Variants in CDH4 observed in about 807,000 individuals in gnomAD.
CDH4 encodes the protein cadherin 4, also known as cadherin-4.
CDH4 carries 33 observed loss-of-function variants against 86.0 expected under a neutral mutation model. The ratio of observed to expected loss-of-function variants is 0.38; its 90% CI spans 0.29 to 0.51. The LOEUF is 0.51. CDH4 is among the 20% of genes least tolerant of loss of function. The pLI, the probability that CDH4 is intolerant of heterozygous loss-of-function variation, is 0.86. For missense variants in CDH4, 1,114 were observed against 1,307.4 expected (o/e 0.85, Z 2.28); for synonymous variants, 555 against 549.4 (o/e 1.01, Z -0.14).
chr20:61,552,524 AC>A (rs1168650970), intron 2 of CDH4, among the ~76,000 whole-genome samples: 7 of 152,150 alleles, frequency 4.6e-5, no homozygotes, highest in Non-Finnish European at 1.5e-5. Flanking sequence ...ACATAGTGAA[AC>A]CCCATCTCTA....
chr20:61,859,308 C>T lies in CDH4; in HGVS notation c.877+6410C>T, dbSNP rs143818391. ...CGTATTCTAGATACAAGTCCTTTGT[C>T]GGATATGTGGTTTGCAAATATTTCT... On this transcript the variant is annotated intron_variant, in intron 6 of 15. Coordinates refer to ENST00000614565, the MANE Select transcript of CDH4 (RefSeq NM_001794.5). Among the ~76,000 whole-genome samples, 40 of 152,276 alleles carry T rather than the reference C, an allele frequency of 2.6e-4. 1 individual carries two copies. In the East Asian group the frequency reaches 6.2e-3, roughly 23 times the overall value.
At chr20:61,555,224 C>T (rs2086168778) in intron 2 of CDH4, among the ~76,000 whole-genome samples, 1 of 152,158 alleles carries the variant, frequency 6.6e-6, no homozygotes, top group African/African-American at 2.4e-5. Flanking sequence ...ACCAGGCAGC[C>T]TCCTTGTGAG....
intron 11 of CDH4, among the ~76,000 whole-genome samples, chr20:61,925,865 C>T (rs757885799): frequency 3.3e-5 from 5 of 152,244 alleles, no homozygotes; most frequent in Admixed American, 6.5e-5. Context: ...CACGGGCACA[C>T]GTCTGCTACT....
intron 2 of CDH4, among the ~76,000 whole-genome samples, chr20:61,498,853 G>A (rs2085680409): frequency 6.6e-6 from 1 of 152,200 alleles, no homozygotes; most frequent in Non-Finnish European, 1.5e-5. Context: ...AGTGCTCTGA[G>A]GACCTCAGGT....
chr20:61,283,898 C>T (rs1392516846), intron 2 of CDH4, among the ~76,000 whole-genome samples: 1 of 152,220 alleles, frequency 6.6e-6, no homozygotes, highest in Non-Finnish European at 1.5e-5. Context: ...CACCCTGGCC[C>T]TAGTTCTGTC....
At chr20:61,472,992 G>A (rs2145570263) in intron 2 of CDH4, among the ~76,000 whole-genome samples, 1 of 152,264 alleles carries the variant, frequency 6.6e-6, no homozygotes, top group Non-Finnish European at 1.5e-5. Context: ...AACCGGGTGT[G>A]GGTAGGCTGT....
intron 2 of CDH4, among the ~76,000 whole-genome samples, chr20:61,293,652 C>T (rs1254615023): frequency 6.6e-6 from 1 of 152,202 alleles, no homozygotes; most frequent in Non-Finnish European, 1.5e-5. Context: ...TTAGAATCCT[C>T]TTTCTCCAAG....
At chr20:61,367,466 A>G (rs2084816910) in intron 2 of CDH4, among the ~76,000 whole-genome samples, 1 of 151,522 alleles carries the variant, frequency 6.6e-6, no homozygotes, top group African/African-American at 2.5e-5. Context: ...AGAAAACCAC[A>G]GAAGCCAGCT....
At chr20:61,783,908 TCAAGGCCCTCCGATATCC>T (rs1214577007) in intron 4 of CDH4, among the ~76,000 whole-genome samples, 2 of 18,232 alleles carry the variant, frequency 1.1e-4, no homozygotes, top group African/African-American at 7.8e-4. Flanking sequence ...GGGACAGTTC[TCAAGGCCCTCCGATATCC>T]TGTGCCCCCA....
At chr20:61,891,685 G>T (rs1385151951) in intron 7 of CDH4, among the ~76,000 whole-genome samples, 1 of 152,174 alleles carries the variant, frequency 6.6e-6, no homozygotes, top group East Asian at 1.9e-4. Context: ...TGTAGGCTGG[G>T]CCTGGTCACC....
At chr20:61,816,734 C>T (rs1209171431) in intron 4 of CDH4, among the ~76,000 whole-genome samples, 5 of 152,002 alleles carry the variant, frequency 3.3e-5, no homozygotes, top group Non-Finnish European at 1.5e-5. Context: ...GACACCCTCA[C>T]AGGCCTCAAT....
chr20:61,862,810 T>A (rs1172055665), intron 6 of CDH4, among the ~76,000 whole-genome samples: 4 of 152,200 alleles, frequency 2.6e-5, no homozygotes, highest in African/African-American at 9.7e-5. Context: ...ATATTATAAG[T>A]TTTGAAATTA....
intron 2 of CDH4, among the ~76,000 whole-genome samples, chr20:61,527,617 C>T (rs190880234): frequency 7.9e-4 from 120 of 152,282 alleles, no homozygotes; most frequent in African/African-American, 2.8e-3. Context: ...GGAGGAGAAC[C>T]TCTATCATCT....
chr20:61,525,128 A>G (rs1022742714), intron 2 of CDH4, among the ~76,000 whole-genome samples: 1 of 152,182 alleles, frequency 6.6e-6, no homozygotes, highest in Non-Finnish European at 1.5e-5. Flanking sequence ...CTTGCCAGGC[A>G]TGATTCCCGG....
intron 2 of CDH4, among the ~76,000 whole-genome samples, chr20:61,535,877 C>G (rs1344100896): frequency 6.6e-6 from 1 of 152,200 alleles, no homozygotes; most frequent in African/African-American, 2.4e-5. Flanking sequence ...TTGCACTGTG[C>G]TCCTCTAGGT....
chr20:61,880,550 G>A (rs1449163502), intron 7 of CDH4, among the ~76,000 whole-genome samples: 2 of 152,152 alleles, frequency 1.3e-5, no homozygotes. Context: ...GTCATCTTGG[G>A]GCTTCCACCT....
chr20:61,668,996 A>G (rs546005475), intron 2 of CDH4, among the ~76,000 whole-genome samples: 11 of 152,318 alleles, frequency 7.2e-5, no homozygotes, highest in Admixed American at 7.2e-4. Flanking sequence ...GTGTTCCAGG[A>G]GGACCCCTGT....
In CDH4 at chr20:61,937,249, G is replaced by GAAAAAAAAAAAAAAAAAAAAAAAAAA. The variant is rs11481455; in HGVS notation, c.*322_*323insAAAAAAAAAAAAAAAAAAAAAAAAAA. ...AAAAAAAAAAAAAAGAAGAAAGAAA[G>GAAAAAAAAAAAAAAAAAAAAAAAAAA]AAAAAAAAAAAAAAAAGAAAGTGCC... On this transcript the variant is annotated 3_prime_UTR_variant, in exon 16 of 16. Coordinates refer to ENST00000614565, the MANE Select transcript of CDH4 (RefSeq NM_001794.5). The GAAAAAAAAAAAAAAAAAAAAAAAAAA allele has an allele frequency of 9.1e-6, 1 of 109,710 alleles. No homozygotes were observed. Among genetic ancestry groups the GAAAAAAAAAAAAAAAAAAAAAAAAAA allele is most frequent in the Non-Finnish European group, 1.7e-5 (1 of 57,302 alleles). 6.8% of individuals were successfully genotyped at this position (109,710 alleles called of 1,614,324 possible).
intron 2 of CDH4, among the ~76,000 whole-genome samples, chr20:61,460,369 G>A (rs894039406): frequency 6.6e-6 from 1 of 152,188 alleles, no homozygotes; most frequent in African/African-American, 2.4e-5. Flanking sequence ...TGATCTGAGG[G>A]TGAGACCAGC....
Sources: allele counts gnomAD v4.1 joint callset (sites outside exome capture counted in the v4.1 genomes callset), GRCh38; gene constraint gnomAD v4.1.1; transcripts MANE v1.5; gene names NCBI Gene and HGNC (gene_info 2026-07-23, HGNC 2026-07-21).